AHCTF1: variants seen among roughly 807,000 people sequenced by gnomAD.
The protein encoded by AHCTF1 is protein ELYS.
In AHCTF1, 24 loss-of-function variants were observed where a neutral mutation model predicts 248.4. That is an observed-to-expected ratio of 0.10 (90% CI 0.07 to 0.14). The LOEUF is 0.14. Among genes scored for constraint, AHCTF1 ranks in the 10% least tolerant of loss-of-function variants. The pLI, the probability that AHCTF1 is intolerant of heterozygous loss-of-function variation, is 1.00. For synonymous variants in AHCTF1, 786 were observed against 929.8 expected (o/e 0.85, Z 2.81); for missense variants, 2,206 against 2,636.2 (o/e 0.84, Z 3.57).
chr1:246,883,329 A>G (rs1430332833), intron 21 of AHCTF1, among the ~76,000 whole-genome samples: 2 of 152,244 alleles, frequency 1.3e-5, no homozygotes, highest in Non-Finnish European at 2.9e-5. Flanking sequence ...TATACTGATT[A>G]AACACTGCTG....
chr1:246,840,291 G>A lies in AHCTF1; in HGVS notation c.*515C>T, dbSNP rs1659765343. 1 of 152,572 alleles carries A rather than the reference G, an allele frequency of 6.6e-6. No homozygotes were observed. The highest frequency in any genetic ancestry group is 1.5e-5 in the Non-Finnish European group (1 of 68,018). The allele number at this position is 152,572 out of a possible 1,614,324, so 9.5% of individuals were successfully genotyped here. A position where few individuals can be genotyped will look rare whatever the true frequency, so the allele number is the denominator to read the frequency against. ...AACTACAAAGATGGCAAAATGACAT[G>A]CCCATAATTCAATTTTAACATAGTA... On this transcript the variant is annotated 3_prime_UTR_variant, in exon 36 of 36. Transcript: ENST00000648844.
intron 35 of AHCTF1, among the ~76,000 whole-genome samples, chr1:246,841,479 CTT>C (rs1659860146): frequency 6.6e-6 from 1 of 152,164 alleles, no homozygotes; most frequent in South Asian, 2.1e-4. Context: ...GCCATAGTGT[CTT>C]AAATAAAATG....
At chr1:246,905,433 G>A in intron 6 of AHCTF1, 108 bp downstream of exon 6, 1 of 793,286 alleles carries the variant, frequency 1.3e-6, no homozygotes, top group South Asian at 1.6e-5. Flanking sequence ...GGAGGCGGAG[G>A]TTGCAGTGAG....
At chr1:246,865,953 TA>T (rs1661949155) in intron 26 of AHCTF1, among the ~76,000 whole-genome samples, 1 of 152,140 alleles carries the variant, frequency 6.6e-6, no homozygotes, top group African/African-American at 2.4e-5. Context: ...TTGTTAGAGC[TA>T]ATTTTTTTTT....
At chr1:246,869,154 T>G (rs1412123972) in intron 24 of AHCTF1, among the ~76,000 whole-genome samples, 2 of 151,732 alleles carry the variant, frequency 1.3e-5, no homozygotes, top group African/African-American at 4.8e-5. Flanking sequence ...TGTGTTTTGT[T>G]TTTTTAAACA....
chr1:246,913,180 C>A, intron 4 of AHCTF1, 52 bp downstream of exon 4: 1 of 1,429,106 alleles, frequency 7.0e-7, no homozygotes, highest in Non-Finnish European at 9.3e-7. Context: ...AAAAATATTG[C>A]ATCAGAATAT....
rs1660639275 is a variant in AHCTF1 at position 246,850,671 on chromosome 1, C to T, written c.5335G>A (p.Ala1779Thr). ...TCAGAAGCTTCAGAAATTTCTTTTG[C>T]CTTCCTAGTTTTCTTCCTGACTGAC... Reference protein sequence around the residue: ...GQSVRKKTRKAKEISEASENI... With the variant: ...GQSVRKKTRKTKEISEASENI... The change falls in exon 33 of 36, where the codon GCA becomes ACA. Residue 1779 changes from alanine (A) to threonine (T), a missense_variant. Transcript: ENST00000648844. 3 of 1,613,964 alleles carry T rather than the reference C, an allele frequency of 1.9e-6. No homozygotes were observed. Among genetic ancestry groups the T allele is most frequent in the East Asian group, 4.5e-5 (2 of 44,878 alleles).
chr1:246,842,652 CTCAATCAATCAA>C, intron 35 of AHCTF1, 30 bp downstream of exon 35: 1 of 1,535,160 alleles, frequency 6.5e-7, no homozygotes, highest in South Asian at 1.1e-5. Context: ...GCGAGACTGT[CTCAATCAATCAA>C]TCAATCAAGA....
In AHCTF1 at chr1:246,851,361, C is replaced by T. The variant is rs775103193; in HGVS notation, c.4645G>A (p.Gly1549Arg). 3 of 1,613,906 alleles carry T rather than the reference C, an allele frequency of 1.9e-6. No homozygotes were observed. In the East Asian group the frequency reaches 6.7e-5, roughly 36 times the overall value. The change falls in exon 33 of 36, where the codon GGA becomes AGA. Residue 1549 changes from glycine (G) to arginine (R), a missense_variant. Physicochemically the swap from Gly to Arg is moderately radical, Grantham distance 125 (BLOSUM62 -2). Transcript: ENST00000648844. The part of the protein sequence containing the change: ...NLSFNELYPS[G>R]TLKLQYNFDT... ...AAATTGTACTGAAGCTTAAGTGTTC[C>T]AGAGGGATATAACTCATTAAATGAA...
chr1:246,853,320 T>G, intron 31 of AHCTF1, 21 bp from the exon 32 acceptor site: 1 of 1,582,644 alleles, frequency 6.3e-7, no homozygotes, highest in Non-Finnish European at 8.6e-7. Context: ...AATGAGTGAA[T>G]TTTTTACATT....
intron 35 of AHCTF1, among the ~76,000 whole-genome samples, chr1:246,842,311 G>A (rs957195944): frequency 5.3e-5 from 8 of 152,138 alleles, no homozygotes; most frequent in African/African-American, 1.7e-4. Flanking sequence ...GCTGGGTGCA[G>A]TGGCTCACAC....
chr1:246,918,998 C>CT, intron 1 of AHCTF1, among the ~76,000 whole-genome samples: 1 of 152,274 alleles, frequency 6.6e-6, no homozygotes, highest in Non-Finnish European at 1.5e-5. Flanking sequence ...TGGTACATAT[C>CT]TTTTGCAGGA....
chr1:246,848,172 T>C (rs1303399772), intron 33 of AHCTF1, among the ~76,000 whole-genome samples: 1 of 152,146 alleles, frequency 6.6e-6, no homozygotes, highest in East Asian at 1.9e-4. Flanking sequence ...TCAATTGTTA[T>C]GGGGAGAGTC....
At chr1:246,842,164 A>C (rs1458991724) in intron 35 of AHCTF1, among the ~76,000 whole-genome samples, 1 of 152,116 alleles carries the variant, frequency 6.6e-6, no homozygotes, top group Non-Finnish European at 1.5e-5. Context: ...TCAGCAGTGA[A>C]ATCTAACAAT....
In AHCTF1 at chr1:246,854,298, C is replaced by CAA. The variant is rs56086758; in HGVS notation, c.4355-1001_4355-1000dup. ...TGGGTGACAGAGCGAGACTCTGTTT[C>CAA]AAAAAAAAAAAAAAAAAAATCTGTA... On this transcript the variant is annotated intron_variant, in intron 31 of 35. Coordinates refer to ENST00000648844, the MANE Select transcript of AHCTF1 (RefSeq NM_001323342.2). 9.9e-3 allele frequency among the ~76,000 whole-genome samples: 1,122 copies of CAA among 113,420 alleles called. 15 individuals are homozygous for CAA. The highest frequency in any genetic ancestry group is 0.04 in the South Asian group (135 of 3,386). The allele number at this position is 113,420 out of a possible 152,430, so 74.4% of individuals were successfully genotyped here.
Position 246,877,262 on chromosome 1 carries a change from T to G in AHCTF1, c.2701A>C (p.Asn901His). The G allele has an allele frequency of 6.2e-7, 1 of 1,606,210 alleles. No homozygotes were observed. The highest frequency in any genetic ancestry group is 8.5e-7 in the Non-Finnish European group (1 of 1,177,638). ...AGTAACTCCTCTATATTCAACCTAT[T>G]GCAATGTTGCCGCAAAAAATTCCAG... is the stretch of plus-strand genomic sequence containing the variant. ...EAWNFLRQHCNRLNIEELLKH... is the reference protein window; with the variant it reads ...EAWNFLRQHCHRLNIEELLKH... The change falls in exon 22 of 36, where the codon AAT becomes CAT. Residue 901 changes from asparagine (N) to histidine (H), a missense_variant. This residue lies in a region of AHCTF1 where 955 missense variants were observed against 1,055.6 expected (regional missense o/e 0.90). Coordinates refer to ENST00000648844, the MANE Select transcript of AHCTF1 (RefSeq NM_001323342.2).
chr1:246,898,477 A>C (rs1169366940), intron 11 of AHCTF1, 141 bp from the exon 12 acceptor site: 1 of 957,160 alleles, frequency 1.0e-6, no homozygotes, highest in Non-Finnish European at 1.5e-6. Flanking sequence ...TCCTGCAAGA[A>C]ACAGAGTTTA....
intron 12 of AHCTF1, among the ~76,000 whole-genome samples, chr1:246,896,516 A>C (rs1226771385): frequency 6.6e-6 from 1 of 152,240 alleles, no homozygotes; most frequent in East Asian, 1.9e-4. Context: ...CTATAAAGAC[A>C]GGAAAGTAGA....
chr1:246,867,469 C>A, intron 25 of AHCTF1, 118 bp from the exon 26 acceptor site: 12 of 995,266 alleles, frequency 1.2e-5, no homozygotes, highest in Non-Finnish European at 1.8e-5. Flanking sequence ...GCATTGCTTA[C>A]AAATAATAAT....
Sources: gnomAD v4.1 joint callset for allele counts (sites outside exome capture counted in the v4.1 genomes callset) on GRCh38, gnomAD v4.1.1 for gene constraint, gnomAD v4.1.1 regional missense constraint, MANE v1.5 for transcripts, NCBI Gene and HGNC (gene_info 2026-07-23, HGNC 2026-07-21) for gene names.